NSD2: variants seen among roughly 807,000 people sequenced by gnomAD.
The protein encoded by NSD2 is histone-lysine N-methyltransferase NSD2.
NSD2 carries 12 observed loss-of-function variants against 139.0 expected under a neutral mutation model. The observed-to-expected ratio is 0.09, with a 90% confidence interval of 0.06 to 0.14. NSD2 has a LOEUF of 0.14. NSD2 is among the 10% of genes least tolerant of loss of function. The pLI is 1.00. For synonymous variants in NSD2, 669 were observed against 648.7 expected, an observed-to-expected ratio of 1.03 and a Z score of -0.48; for missense variants, 1,155 against 1,745.0, an observed-to-expected ratio of 0.66 and a Z score of 6.02.
chr4:1,948,896 C>T lies in NSD2; in HGVS notation c.1882-2176C>T. The T allele has an allele frequency of 1.2e-6, 1 of 818,508 alleles. No homozygotes were observed. Among genetic ancestry groups the T allele is most frequent in the South Asian group, 5.7e-5 (1 of 17,592 alleles). The allele number at this position is 818,508 out of a possible 1,614,324, so 50.7% of individuals were successfully genotyped here. A position where few individuals can be genotyped will look rare whatever the true frequency, so the allele number is the denominator to read the frequency against. On this transcript the variant is annotated intron_variant, in intron 9 of 21. Transcript: ENST00000508803. This position sits in a 1 kb window ranked among gnomAD's most constrained non-coding sequence, Gnocchi z 4.5. ...ATTTTTAAAGCTTTTTAAGTTTGTT[C>T]CACCACGTTAAGGGAAGAGCATGGG...
intron 1 of NSD2, among the ~76,000 whole-genome samples, chr4:1,872,587 TGTGTGAGAGAGAGAGAGAGAGAGAGA>T (rs1261253811): frequency 2.0e-5 from 1 of 50,086 alleles, no homozygotes; most frequent in African/African-American, 5.9e-5. Context: ...TGTGTGTGTG[TGTGTGAGAGAGAGAGAGAGAGAGAGA>T]GAGAGAGAGA....
chr4:1,896,794 C>A (rs1360174732), intron 1 of NSD2, among the ~76,000 whole-genome samples: 1 of 139,446 alleles, frequency 7.2e-6, no homozygotes, highest in Non-Finnish European at 1.6e-5. Context: ...TCTTTTCTTT[C>A]TTTCTCTCTC....
rs1317717428 is a variant in NSD2 at position 1,979,497 on chromosome 4, A to G, written c.*588A>G. ...ACGCTTCTTTTCCATCCTAGTGAGA[A>G]GCTGGCCCTGCAGGTGGTGGCAGCA... is the stretch of plus-strand genomic sequence containing the variant. On this transcript the variant is annotated 3_prime_UTR_variant, in exon 22 of 22. Transcript: ENST00000508803. 1 of 233,088 alleles carries G rather than the reference A, an allele frequency of 4.3e-6. No individual in the cohort carries two copies. The highest frequency in any genetic ancestry group is 2.2e-5 in the African/African-American group (1 of 45,342). 14.4% of individuals were successfully genotyped at this position (233,088 alleles called of 1,614,324 possible).
chr4:1,968,446 A>G (rs1050577918), intron 18 of NSD2, among the ~76,000 whole-genome samples: 2 of 152,218 alleles, frequency 1.3e-5, no homozygotes, highest in Non-Finnish European at 2.9e-5. Flanking sequence ...GAAGAGATTT[A>G]TTAACCTTAG....
chr4:1,885,875 C>G (rs1715046542), intron 1 of NSD2, among the ~76,000 whole-genome samples: 1 of 151,966 alleles, frequency 6.6e-6, no homozygotes, highest in Middle Eastern at 3.2e-3. Flanking sequence ...GAGTTCCAGC[C>G]TAGAGTTTAT....
intron 3 of NSD2, among the ~76,000 whole-genome samples, chr4:1,915,892 C>G (rs1236807025): frequency 1.3e-5 from 2 of 152,200 alleles, no homozygotes; most frequent in Non-Finnish European, 2.9e-5. Context: ...CCCCTCCCTC[C>G]TCTCACCTGG....
chr4:1,929,305 T>A (rs1168958853), intron 5 of NSD2, among the ~76,000 whole-genome samples: 1 of 152,068 alleles, frequency 6.6e-6, no homozygotes, highest in Non-Finnish European at 1.5e-5. Flanking sequence ...AGAGGTTACC[T>A]GTATTGGCTG....
chr4:1,891,033 A>C (rs541513299), intron 1 of NSD2, among the ~76,000 whole-genome samples: 1 of 152,194 alleles, frequency 6.6e-6, no homozygotes, highest in South Asian at 2.1e-4. Context: ...AGCTAAGACC[A>C]CAGGCACATG....
chr4:1,891,992 T>C (rs1164244781), intron 1 of NSD2, among the ~76,000 whole-genome samples: 5 of 152,068 alleles, frequency 3.3e-5, no homozygotes, highest in African/African-American at 1.2e-4. Context: ...CTCTATGCTT[T>C]CTCTTTTCCT....
rs1388234861 is a variant in NSD2, at chr4:1,976,817, T to C, written c.3826+138T>C. The C allele has an allele frequency of 4.4e-5, 38 of 872,388 alleles. No individual in the cohort carries two copies. The highest frequency in any genetic ancestry group is 6.3e-5 in the Non-Finnish European group (37 of 583,320). 54.0% of individuals were successfully genotyped at this position (872,388 alleles called of 1,614,324 possible). On this transcript the variant is annotated intron_variant, in intron 21 of 21. Coordinates refer to ENST00000508803, the MANE Select transcript of NSD2 (RefSeq NM_001042424.3). The surrounding 1 kb of genome is among the most constrained non-coding windows in gnomAD (Gnocchi z 5.3). ...GGCGCTCATGCAGCGAAGGCCCTGA[T>C]CCAGGGTGGCAGAGCCTTTCTTTGT...
At chr4:1,885,490 CT>C (rs1372799804) in intron 1 of NSD2, among the ~76,000 whole-genome samples, 1 of 152,196 alleles carries the variant, frequency 6.6e-6, no homozygotes, top group East Asian at 1.9e-4. Flanking sequence ...GTTGATAAAA[CT>C]TCTGAGGTAA....
At chr4:1,940,706 C>T (rs1032935293) in intron 9 of NSD2, 1 of 1,061,336 alleles carries the variant, frequency 9.4e-7, no homozygotes, top group Non-Finnish European at 1.1e-6. Flanking sequence ...AAGGGTTGGA[C>T]AGGCCCCTTA....
At chr4:1,952,266 G>T in intron 11 of NSD2, 35 bp downstream of exon 11, 2 of 1,610,380 alleles carry the variant, frequency 1.2e-6, no homozygotes, top group Non-Finnish European at 1.7e-6. Flanking sequence ...CTGCAGCCTG[G>T]CCGGCCACCT....
chr4:1,952,823 C>T, intron 11 of NSD2: 1 of 1,207,632 alleles, frequency 8.3e-7, no homozygotes, highest in Non-Finnish European at 1.0e-6. Context: ...CCCTTCCTGC[C>T]TACTCACCGG....
At chr4:1,881,137 G>A (rs1158604330) in intron 1 of NSD2, among the ~76,000 whole-genome samples, 1 of 152,124 alleles carries the variant, frequency 6.6e-6, no homozygotes, top group African/African-American at 2.4e-5. Context: ...TGGGCACATG[G>A]GTTCTAACTT....
chr4:1,910,505 G>T (rs568817758), intron 3 of NSD2, among the ~76,000 whole-genome samples: 117 of 152,122 alleles, frequency 7.7e-4, no homozygotes, highest in Non-Finnish European at 7.5e-4. Flanking sequence ...TACACTCACT[G>T]GTCTCTTTAG....
At chr4:1,954,030 G>C (rs1266867210) in intron 12 of NSD2, among the ~76,000 whole-genome samples, 1 of 151,442 alleles carries the variant, frequency 6.6e-6, no homozygotes, top group Admixed American at 6.6e-5. Flanking sequence ...CTGTTGCCCA[G>C]GCTGGAGTGC....
intron 1 of NSD2, among the ~76,000 whole-genome samples, chr4:1,881,413 C>G (rs1286194974): frequency 6.6e-6 from 1 of 152,208 alleles, no homozygotes; most frequent in Non-Finnish European, 1.5e-5. Flanking sequence ...CAGGCGCACG[C>G]TGCCACGCCC....
chr4:1,966,290 T>C (rs777436087), intron 18 of NSD2, among the ~76,000 whole-genome samples: 1 of 152,238 alleles, frequency 6.6e-6, no homozygotes, highest in Admixed American at 6.5e-5. Context: ...AGTAAATACA[T>C]GGTCAGCTAT....
Sources: allele counts gnomAD v4.1 joint callset (sites outside exome capture counted in the v4.1 genomes callset), GRCh38; gene constraint gnomAD v4.1.1; non-coding constraint Gnocchi (gnomAD v3.1); transcripts MANE v1.5; gene names NCBI Gene and HGNC (gene_info 2026-07-23, HGNC 2026-07-21).